Variants in PPFIA2 observed in about 807,000 individuals in gnomAD.
PPFIA2 encodes the protein PPFI scaffold protein A2, also known as liprin-alpha-2.
PPFIA2 carries 46 observed loss-of-function variants against 175.5 expected under a neutral mutation model. The ratio of observed to expected loss-of-function variants is 0.26; its 90% confidence interval spans 0.21 to 0.34. PPFIA2 has a LOEUF of 0.34. Ranked by LOEUF, PPFIA2 falls within the 10% of genes least tolerant of loss-of-function variation. The pLI is 1.00. For missense variants in PPFIA2, 1,179 were observed against 1,506.1 expected, an observed-to-expected ratio of 0.78 and a Z score of 3.60; for synonymous variants, 568 against 511.4, an observed-to-expected ratio of 1.11 and a Z score of -1.49.
At chr12:81,695,810 A>T (rs1048638975) in intron 3 of PPFIA2, among the ~76,000 whole-genome samples, 1 of 152,036 alleles carries the variant, frequency 6.6e-6, no homozygotes, top group Admixed American at 6.6e-5. Context: ...GCTTCTTCTG[A>T]ATGTTTTTGC....
intron 4 of PPFIA2, among the ~76,000 whole-genome samples, chr12:81,554,048 G>A (rs2068408891): frequency 6.6e-6 from 1 of 151,930 alleles, no homozygotes; most frequent in Admixed American, 6.6e-5. Context: ...ATGGGGATTT[G>A]ATCCAATTTA....
chr12:81,418,259 T>C (rs543059804), intron 7 of PPFIA2, among the ~76,000 whole-genome samples: 2 of 152,002 alleles, frequency 1.3e-5, no homozygotes, highest in East Asian at 3.9e-4. Flanking sequence ...GAGTAGAATA[T>C]ATTTACTGGA....
chr12:81,571,976 A>G (rs556872182), intron 4 of PPFIA2, among the ~76,000 whole-genome samples: 3 of 152,174 alleles, frequency 2.0e-5, no homozygotes, highest in Admixed American at 2.0e-4. Context: ...GGTAAACCCA[A>G]TGCTGGATCA....
rs79816268 is a variant in PPFIA2, at chr12:81,361,104, A to T, written c.1637+1589T>A. Among the ~76,000 whole-genome samples, 941 of 151,694 alleles carry T rather than the reference A, an allele frequency of 6.2e-3. 11 individuals are homozygous for T. Among genetic ancestry groups the T allele is most frequent in the African/African-American group, 0.021 (875 of 41,462 alleles). On this transcript the variant is annotated intron_variant, in intron 15 of 32. Coordinates refer to ENST00000549396, the MANE Select transcript of PPFIA2 (RefSeq NM_003625.5). Reference sequence around the variant, plus strand: ...AGAATAATTGTTCTATATAGGCCAAATCATCCTTCATTGTAGATAAATGTC... The same window carrying T: ...AGAATAATTGTTCTATATAGGCCAATTCATCCTTCATTGTAGATAAATGTC...
At chr12:81,612,556 T>C (rs547253121) in intron 4 of PPFIA2, among the ~76,000 whole-genome samples, 2 of 152,324 alleles carry the variant, frequency 1.3e-5, no homozygotes, top group South Asian at 4.1e-4. Flanking sequence ...GAAATTTATT[T>C]TAGCTAACTC....
chr12:81,262,597 A>T (rs1038064872), intron 31 of PPFIA2, among the ~76,000 whole-genome samples: 1 of 152,198 alleles, frequency 6.6e-6, no homozygotes, highest in African/African-American at 2.4e-5. Flanking sequence ...CCAAACAGAA[A>T]TAATTTTGTG....
At chr12:81,457,174 G>C (rs756778042) in intron 5 of PPFIA2, among the ~76,000 whole-genome samples, 3 of 151,696 alleles carry the variant, frequency 2.0e-5, no homozygotes, top group South Asian at 4.2e-4. Flanking sequence ...AGTAGAAATG[G>C]GGTTTCACCA....
chr12:81,471,512 GA>G (rs1442577881), intron 4 of PPFIA2, among the ~76,000 whole-genome samples: 2 of 148,354 alleles, frequency 1.3e-5, no homozygotes, highest in Non-Finnish European at 3.0e-5. Flanking sequence ...TCTATTGTTT[GA>G]ATATATCACA....
intron 4 of PPFIA2, among the ~76,000 whole-genome samples, chr12:81,561,974 AC>A (rs1329040941): frequency 6.6e-6 from 1 of 152,242 alleles, no homozygotes; most frequent in Non-Finnish European, 1.5e-5. Context: ...CTTAACAAAT[AC>A]TTCATGTTCA....
chr12:81,751,421 T>G (rs2083757890), intron 3 of PPFIA2, among the ~76,000 whole-genome samples: 1 of 151,880 alleles, frequency 6.6e-6, no homozygotes, highest in African/African-American at 2.4e-5. Context: ...GTCTTTTTTT[T>G]TTTTTACCAT....
intron 14 of PPFIA2, among the ~76,000 whole-genome samples, chr12:81,363,365 T>C (rs1225854976): frequency 6.6e-6 from 1 of 151,534 alleles, no homozygotes; most frequent in Non-Finnish European, 1.5e-5. Context: ...AAAAGTAAAG[T>C]TAATAACCAA....
Position 81,558,643 on chromosome 12 carries a change from C to G in PPFIA2, c.304-100777G>C, listed in dbSNP as rs116506982. On this transcript the variant is annotated intron_variant, in intron 4 of 32. Transcript: ENST00000549396. ...ACAGCAGAAGGAGTTAACAGTCTCTCAAAGGATTTGTTTAGGAGGACTTCC... is the reference window on the plus strand; with the variant it reads ...ACAGCAGAAGGAGTTAACAGTCTCTGAAAGGATTTGTTTAGGAGGACTTCC... Among the ~76,000 whole-genome samples the G allele has an allele frequency of 6.0e-3, 920 of 152,150 alleles. 11 individuals are homozygous for G. Among genetic ancestry groups the G allele is most frequent in the African/African-American group, 0.021 (872 of 41,502 alleles).
chr12:81,611,162 TAC>T (rs1470203215), intron 4 of PPFIA2, among the ~76,000 whole-genome samples: 17 of 152,122 alleles, frequency 1.1e-4, no homozygotes, highest in Admixed American at 1.1e-3. Context: ...GGGAGCCCTC[TAC>T]AGTCACCAGC....
chr12:81,490,608 A>T (rs897689209), intron 4 of PPFIA2, among the ~76,000 whole-genome samples: 5 of 151,968 alleles, frequency 3.3e-5, no homozygotes, highest in Non-Finnish European at 4.4e-5. Flanking sequence ...ACATAAATTG[A>T]TGTTAAGCAG....
chr12:81,746,354 AT>A (rs1268339582), intron 3 of PPFIA2, among the ~76,000 whole-genome samples: 5 of 143,560 alleles, frequency 3.5e-5, no homozygotes, highest in Admixed American at 7.4e-5. Context: ...TCATTTATCC[AT>A]TTTTTTTGGA....
At chr12:81,324,429 A>G (rs7960777) in intron 22 of PPFIA2, among the ~76,000 whole-genome samples, 142,501 of 152,014 alleles carry the variant, frequency 0.94, 66,877 homozygotes, top group East Asian at 0.98. Context: ...TCTTTGTCAA[A>G]TATTTGTCTG....
chr12:81,433,705 C>T (rs1016436511), intron 7 of PPFIA2, among the ~76,000 whole-genome samples: 9 of 152,056 alleles, frequency 5.9e-5, no homozygotes, highest in African/African-American at 1.7e-4. Flanking sequence ...AAACACTAGT[C>T]AGAATGAAGT....
intron 28 of PPFIA2, among the ~76,000 whole-genome samples, chr12:81,274,182 G>A (rs1368270090): frequency 1.3e-5 from 2 of 152,218 alleles, no homozygotes; most frequent in East Asian, 3.9e-4. Flanking sequence ...GCTTGTGGGT[G>A]GCAGCAACAG....
intron 3 of PPFIA2, among the ~76,000 whole-genome samples, chr12:81,724,324 T>C (rs1478058513): frequency 6.6e-6 from 1 of 151,032 alleles, no homozygotes; most frequent in Non-Finnish European, 1.5e-5. Context: ...CTTCTATTTA[T>C]TTATTTATCA....
Sources: allele counts gnomAD v4.1 joint callset (sites outside exome capture counted in the v4.1 genomes callset), GRCh38; gene constraint gnomAD v4.1.1; transcripts MANE v1.5; gene names NCBI Gene and HGNC (gene_info 2026-07-23, HGNC 2026-07-21).